The following ZMYND8 variants were observed in gnomAD, a reference collection of about 807,000 sequenced individuals.
The protein encoded by ZMYND8 is zinc finger MYND-type containing 8.
A neutral mutation model predicts 140.8 loss-of-function variants in ZMYND8; 37 were observed. That is an observed-to-expected ratio of 0.26 (90% confidence interval 0.20 to 0.35). The LOEUF is 0.35. ZMYND8 is among the 10% of genes least tolerant of loss of function. ZMYND8 has a pLI of 1.00. For missense variants in ZMYND8, 1,068 were observed against 1,570.0 expected, an observed-to-expected ratio of 0.68 and a Z score of 5.40; for synonymous variants, 592 against 597.1, an observed-to-expected ratio of 0.99 and a Z score of 0.12.
In ZMYND8 at chr20:47,335,224, C is replaced by T. The variant is rs565174570; in HGVS notation, c.85+12632G>A. Among the ~76,000 whole-genome samples the T allele has an allele frequency of 9.9e-5, 15 of 151,730 alleles. No homozygotes were observed. In the East Asian group the frequency reaches 1.9e-3, roughly 20 times the overall value. On this transcript the variant is annotated intron_variant, in intron 2 of 22. Coordinates refer to ENST00000471951, the MANE Select transcript of ZMYND8 (RefSeq NM_001281775.3). ...TCGTCCCACTGCACTCCAGCTTGGG[C>T]GACAGAGAGAGACCCTGTCTCAAAC... is the stretch of plus-strand genomic sequence containing the variant.
intron 8 of ZMYND8, chr20:47,285,628 C>A (rs938723595): frequency 2.1e-6 from 2 of 947,852 alleles, no homozygotes; most frequent in Non-Finnish European, 2.5e-6. Context: ...ATGTTCACAG[C>A]CTCATAGTAG....
chr20:47,270,820 G>A (rs1412052868), intron 11 of ZMYND8, among the ~76,000 whole-genome samples: 1 of 151,906 alleles, frequency 6.6e-6, no homozygotes, highest in Non-Finnish European at 1.5e-5. Flanking sequence ...TCTCACGCCT[G>A]TAATCCCAGC....
rs140915989 is a variant in ZMYND8 at position 47,336,290 on chromosome 20, C to T, written c.85+11566G>A. ...CCTGTCTCTGAAAACACATCCATAC[C>T]CCCAGCAAATCTCAGCAAGAATGAT... On this transcript the variant is annotated intron_variant, in intron 2 of 22. Coordinates refer to ENST00000471951, the MANE Select transcript of ZMYND8 (RefSeq NM_001281775.3). Among the ~76,000 whole-genome samples, 1,160 of 152,252 alleles carry T rather than the reference C, an allele frequency of 7.6e-3. 8 individuals are homozygous for T. The highest frequency in any genetic ancestry group is 0.012 in the Admixed American group (183 of 15,298).
intron 2 of ZMYND8, among the ~76,000 whole-genome samples, chr20:47,340,751 C>A (rs1208116115): frequency 6.6e-6 from 1 of 151,678 alleles, no homozygotes; most frequent in South Asian, 2.1e-4. Context: ...CAAGCCACTG[C>A]ACTCCAGCCT....
intron 12 of ZMYND8, among the ~76,000 whole-genome samples, chr20:47,251,513 G>A (rs140287325): frequency 6.6e-6 from 1 of 151,892 alleles, no homozygotes; most frequent in African/African-American, 2.4e-5. Flanking sequence ...CTTGAGCCCA[G>A]GAGTTTGAGG....
At position 47,236,547 on chromosome 20, in the gene ZMYND8, C is replaced by T. The variant is rs530274790; in HGVS notation, c.2666-31G>A. ...AAGGCAAAGCATCCTGATTACCCCACGTGGGAAGGACCCATCCCAGCACAA... is the reference window on the plus strand; with the variant it reads ...AAGGCAAAGCATCCTGATTACCCCATGTGGGAAGGACCCATCCCAGCACAA... On this transcript the variant is annotated intron_variant, in intron 15 of 22. Coordinates refer to ENST00000471951, the MANE Select transcript of ZMYND8 (RefSeq NM_001281775.3). The T allele has an allele frequency of 1.2e-5, 18 of 1,523,302 alleles. No homozygotes were observed. The East Asian group carries it at 1.4e-4, about 12-fold the overall frequency. 94.4% of individuals were successfully genotyped at this position (1,523,302 alleles called of 1,614,324 possible). A position where few individuals can be genotyped will look rare whatever the true frequency, so the allele number is the denominator to read the frequency against.
chr20:47,324,905 AT>A (rs1268994175), intron 2 of ZMYND8, among the ~76,000 whole-genome samples: 1 of 151,884 alleles, frequency 6.6e-6, no homozygotes, highest in Non-Finnish European at 1.5e-5. Context: ...GGTGAAAATT[AT>A]TTTTTATTTT....
chr20:47,257,986 G>A (rs556490250), intron 12 of ZMYND8, among the ~76,000 whole-genome samples: 10 of 152,204 alleles, frequency 6.6e-5, no homozygotes, highest in East Asian at 1.9e-4. Flanking sequence ...GCCTCCCAAC[G>A]TGCGGGAATT....
At chr20:47,341,694 C>T (rs1157913666) in intron 2 of ZMYND8, among the ~76,000 whole-genome samples, 2 of 151,958 alleles carry the variant, frequency 1.3e-5, no homozygotes, top group African/African-American at 2.4e-5. Flanking sequence ...CATAGTGAAA[C>T]CCCATCTCTA....
In ZMYND8 at chr20:47,236,193, G is replaced by C. The variant is rs534215915; in HGVS notation, c.2856+133C>G. On this transcript the variant is annotated intron_variant, in intron 16 of 22. Transcript: ENST00000471951. ...TAAAGAACGTGGTCTTGGAGATTCT[G>C]TTTTTAAAAAAAAGGGTCTTCACTC... 6.2e-5 allele frequency: 66 copies of C among 1,064,952 alleles called. No homozygotes were observed. In the East Asian group the frequency reaches 9.2e-4, roughly 15 times the overall value. The allele number at this position is 1,064,952 out of a possible 1,614,324, so 66.0% of individuals were successfully genotyped here.
At chr20:47,232,464 T>C (rs142757115) in intron 16 of ZMYND8, among the ~76,000 whole-genome samples, 52 of 151,862 alleles carry the variant, frequency 3.4e-4, no homozygotes, top group African/African-American at 1.2e-3. Flanking sequence ...GAAGCCAAGG[T>C]GGGAGGGTCG....
intron 17 of ZMYND8, among the ~76,000 whole-genome samples, chr20:47,228,505 C>T (rs1194640045): frequency 6.6e-6 from 1 of 152,220 alleles, no homozygotes; most frequent in Non-Finnish European, 1.5e-5. Context: ...CAACCACACA[C>T]CAATTCTTAC....
intron 18 of ZMYND8, 84 bp downstream of exon 18, chr20:47,227,119 C>T: frequency 7.2e-7 from 1 of 1,397,876 alleles, no homozygotes; most frequent in Non-Finnish European, 1.0e-6. Flanking sequence ...TTTAATTGCA[C>T]TCACATCTCG....
chr20:47,318,668 C>G (rs75182658), intron 2 of ZMYND8: 3 of 453,472 alleles, frequency 6.6e-6, no homozygotes, highest in Non-Finnish European at 8.8e-6. Context: ...CACAGAAACT[C>G]GAGGACCGGT....
At chr20:47,278,664 T>C (rs1195937077) in intron 10 of ZMYND8, among the ~76,000 whole-genome samples, 2 of 151,776 alleles carry the variant, frequency 1.3e-5, no homozygotes, top group Non-Finnish European at 2.9e-5. Flanking sequence ...ACCCCAAAAA[T>C]ATCGATCTGC....
In ZMYND8 at chr20:47,209,552, G is replaced by C. The variant is rs367562879; in HGVS notation, c.*1209C>G. 1.5e-4 allele frequency: 23 copies of C among 152,034 alleles called. No homozygotes were observed. The highest frequency in any genetic ancestry group is 5.1e-4 in the African/African-American group (21 of 41,478). The allele number at this position is 152,034 out of a possible 1,614,324, so 9.4% of individuals were successfully genotyped here. ...CTTCTCTAATATGGGTAACTAGCTGGAAACTGTACAGTTCGCATCCTCTTA... is the reference window on the plus strand; with the variant it reads ...CTTCTCTAATATGGGTAACTAGCTGCAAACTGTACAGTTCGCATCCTCTTA... On this transcript the variant is annotated 3_prime_UTR_variant, in exon 23 of 23. Transcript: ENST00000471951.
At chr20:47,352,631 T>A in intron 1 of ZMYND8, 3 of 771,628 alleles carry the variant, frequency 3.9e-6, no homozygotes, top group Non-Finnish European at 4.7e-6. Flanking sequence ...CCTCTGGTGC[T>A]GGGAGTGAGG....
intron 3 of ZMYND8, among the ~76,000 whole-genome samples, chr20:47,305,530 C>G (rs1301125728): frequency 5.3e-5 from 8 of 149,646 alleles, no homozygotes; most frequent in African/African-American, 2.0e-4. Context: ...CATGAGCCAC[C>G]AGGCCTGGGC....
intron 21 of ZMYND8, among the ~76,000 whole-genome samples, chr20:47,213,723 G>A (rs1432538721): frequency 6.6e-6 from 1 of 152,214 alleles, no homozygotes; most frequent in Non-Finnish European, 1.5e-5. Context: ...TGTTTCACTG[G>A]AGCAAGGTAG....
Sources: allele counts gnomAD v4.1 joint callset (sites outside exome capture counted in the v4.1 genomes callset), GRCh38; gene constraint gnomAD v4.1.1; transcripts MANE v1.5; gene names NCBI Gene and HGNC (gene_info 2026-07-23, HGNC 2026-07-21).